MYO9B: variants seen among roughly 807,000 people sequenced by gnomAD.
The protein encoded by MYO9B is unconventional myosin-IXb.
MYO9B carries 71 observed loss-of-function variants against 229.5 expected under a neutral mutation model. The observed-to-expected ratio is 0.31, with a 90% CI of 0.26 to 0.38. The LOEUF is 0.38. Ranked by LOEUF, MYO9B falls within the 10% of genes least tolerant of loss-of-function variation. The pLI is 1.00. For missense variants in MYO9B, 2,255 were observed against 2,920.5 expected (o/e 0.77, Z 5.25); for synonymous variants, 1,185 against 1,235.8 (o/e 0.96, Z 0.86).
chr19:17,141,971 G>T (rs1487459685), intron 2 of MYO9B, among the ~76,000 whole-genome samples: 2 of 152,128 alleles, frequency 1.3e-5, no homozygotes, highest in South Asian at 4.1e-4. Flanking sequence ...GAGGCCGGGA[G>T]TTCAAGACCA....
intron 35 of MYO9B, among the ~76,000 whole-genome samples, 181 bp from the exon 36 acceptor site, chr19:17,209,405 A>G (rs1297580695): frequency 6.6e-6 from 1 of 152,202 alleles, no homozygotes; most frequent in South Asian, 2.1e-4. Flanking sequence ...GACAGGCTCA[A>G]AGAGGTAGAG....
At chr19:17,145,753 C>T (rs542876983) in intron 3 of MYO9B, among the ~76,000 whole-genome samples, 2 of 152,124 alleles carry the variant, frequency 1.3e-5, no homozygotes, top group African/African-American at 4.8e-5. Flanking sequence ...AGCCCATTTC[C>T]TGTCTTGATA....
Position 17,081,810 on chromosome 19 carries a change from C to CAA in MYO9B, c.-59+5955_-59+5956dup, listed in dbSNP as rs5827357. Among the ~76,000 whole-genome samples the CAA allele has an allele frequency of 6.0e-3, 419 of 69,778 alleles. 4 individuals are homozygous for CAA. Among genetic ancestry groups the CAA allele is most frequent in the Middle Eastern group, 8.2e-3 (1 of 122 alleles). The allele number at this position is 69,778 out of a possible 152,430, so 45.8% of individuals were successfully genotyped here. A position where few individuals can be genotyped will look rare whatever the true frequency, so the allele number is the denominator to read the frequency against. On this transcript the variant is annotated intron_variant, in intron 1 of 39. Coordinates refer to ENST00000682292, the MANE Select transcript of MYO9B (RefSeq NM_004145.4). ...TGGGCAAGAGAGTAAGATCCCATCT[C>CAA]AAAAAAAAAAAAAAAAAAAAGAGGC...
At chr19:17,162,724 G>A (rs776784546) in intron 9 of MYO9B, among the ~76,000 whole-genome samples, 8 of 152,222 alleles carry the variant, frequency 5.3e-5, no homozygotes, top group Non-Finnish European at 1.0e-4. Flanking sequence ...TCAGGAGGCT[G>A]AGGCAGAAGG....
At chr19:17,125,297 T>A (rs1216067627) in intron 2 of MYO9B, among the ~76,000 whole-genome samples, 345 of 99,552 alleles carry the variant, frequency 3.5e-3, no homozygotes, top group Non-Finnish European at 3.9e-3. Context: ...TAAAACCCCA[T>A]CCCCCCCCCC....
chr19:17,209,792 T>C (rs2073205254), intron 36 of MYO9B, 83 bp downstream of exon 36: 30 of 1,332,742 alleles, frequency 2.3e-5, no homozygotes, highest in Admixed American at 4.3e-5. Flanking sequence ...GTGGCTTTGT[T>C]GCTGGGAAGG....
intron 37 of MYO9B, 39 bp downstream of exon 37, chr19:17,210,419 C>T (rs777859239): frequency 5.0e-5 from 77 of 1,546,914 alleles, no homozygotes; most frequent in South Asian, 2.2e-4. Flanking sequence ...GCATGTCTCC[C>T]GGTGCAGTGC....
chr19:17,196,237 GA>G (rs1287815866), intron 22 of MYO9B, among the ~76,000 whole-genome samples: 3 of 151,866 alleles, frequency 2.0e-5, no homozygotes, highest in Admixed American at 1.3e-4. Context: ...TGGATGGATG[GA>G]AAATGATAGA....
intron 2 of MYO9B, among the ~76,000 whole-genome samples, chr19:17,104,735 A>AAAAAAC (rs150273079): frequency 3.3e-5 from 5 of 150,846 alleles, no homozygotes; most frequent in African/African-American, 4.9e-5. Context: ...TCCGCTTAAA[A>AAAAAAC]AAAAAACAAA....
Position 17,154,128 on chromosome 19 carries a change from G to A in MYO9B, c.1098+62G>A, listed in dbSNP as rs1168606042. 2.2e-5 allele frequency: 34 copies of A among 1,516,984 alleles called. No individual in the cohort carries two copies. In the East Asian group the frequency reaches 6.1e-4, roughly 27 times the overall value. The allele number at this position is 1,516,984 out of a possible 1,614,324, so 94.0% of individuals were successfully genotyped here. ...CTGTTCCCGGCCTCAAGCTGTTTAT[G>A]TATAGCCGGGAAGTCAGAGGCAGCC... is the stretch of plus-strand genomic sequence containing the variant. On this transcript the variant is annotated intron_variant, in intron 5 of 39. Transcript: ENST00000682292.
chr19:17,165,027 G>A (rs1160612117), intron 10 of MYO9B, among the ~76,000 whole-genome samples: 2 of 151,974 alleles, frequency 1.3e-5, no homozygotes, highest in Admixed American at 6.6e-5. Context: ...ACCACACCCA[G>A]CTAGTTTTTT....
At chr19:17,181,093 C>A in intron 15 of MYO9B, 53 bp downstream of exon 15, 2 of 1,302,062 alleles carry the variant, frequency 1.5e-6, no homozygotes, top group Non-Finnish European at 2.2e-6. Flanking sequence ...CCTCCCACTA[C>A]TCCTGCGACC....
chr19:17,116,693 A>AG (rs2057907348), intron 2 of MYO9B, among the ~76,000 whole-genome samples: 1 of 152,034 alleles, frequency 6.6e-6, no homozygotes, highest in Non-Finnish European at 1.5e-5. Context: ...GAATGGAGGG[A>AG]GGGGTGCAGA....
At chr19:17,168,300 G>C (rs568787977) in intron 11 of MYO9B, among the ~76,000 whole-genome samples, 17 of 152,272 alleles carry the variant, frequency 1.1e-4, no homozygotes, top group Middle Eastern at 6.8e-3. Flanking sequence ...GAGTAGCTGG[G>C]ACTACAGGGT....
rs1056205793 is a variant in MYO9B at position 17,088,285 on chromosome 19, G to A, written c.-59+12411G>A. 7.9e-5 allele frequency among the ~76,000 whole-genome samples: 12 copies of A among 152,166 alleles called. No homozygotes were observed. In the East Asian group the frequency reaches 1.3e-3, roughly 17 times the overall value. ...CACATGTCTCTTTTCCTTTTATAAG[G>A]ACGCCAGTCTTTGGATTTGGGGCCC... On this transcript the variant is annotated intron_variant, in intron 1 of 39. Transcript: ENST00000682292.
At chr19:17,091,250 T>C (rs564297214) in intron 1 of MYO9B, among the ~76,000 whole-genome samples, 29 of 152,316 alleles carry the variant, frequency 1.9e-4, no homozygotes, top group Admixed American at 1.0e-3. Context: ...TTTTGATACA[T>C]GGTCTTGCTC....
In MYO9B at chr19:17,212,232, G is replaced by A; in HGVS notation, c.6396G>A (p.Gln2132=). 6.3e-7 allele frequency: 1 copy of A among 1,580,070 alleles called. No individual in the cohort carries two copies. ...TGGAGCCCCTAGAAGAGGATGGCCAGCCACCTGGGGCCAAGCGGAGGTACT... is the reference window on the plus strand; with the variant it reads ...TGGAGCCCCTAGAAGAGGATGGCCAACCACCTGGGGCCAAGCGGAGGTACT... ...GALEPLEEDG[Q]PPGAKRRYSD... The change falls in exon 40 of 40, where the codon CAG becomes CAA. Residue 2132 remains glutamine, a synonymous_variant. Transcript: ENST00000682292. This position sits in a 1 kb window ranked among gnomAD's most constrained non-coding sequence, Gnocchi z 5.4.
At position 17,179,551 on chromosome 19, in the gene MYO9B, G is replaced by C. The variant is rs568505339; in HGVS notation, c.2220-1376G>C. Among the ~76,000 whole-genome samples, 3 of 150,140 alleles carry C rather than the reference G, an allele frequency of 2.0e-5. No homozygotes were observed. The South Asian group carries it at 6.4e-4, about 32-fold the overall frequency. ...AAGCGATTGTCGTGCCTCAGCCTCC[G>C]GAGTGACTGGGACTACAGGCATGCG... On this transcript the variant is annotated intron_variant, in intron 14 of 39. Transcript: ENST00000682292.
At chr19:17,108,231 G>A (rs762170090) in intron 2 of MYO9B, among the ~76,000 whole-genome samples, 4 of 152,340 alleles carry the variant, frequency 2.6e-5, no homozygotes, top group Middle Eastern at 3.4e-3. Context: ...TTTCTCCAGC[G>A]GTTCTAAGCC....
Sources: gnomAD v4.1 joint callset for allele counts (sites outside exome capture counted in the v4.1 genomes callset) on GRCh38, gnomAD v4.1.1 for gene constraint, Gnocchi (gnomAD v3.1) non-coding constraint, MANE v1.5 for transcripts, NCBI Gene and HGNC (gene_info 2026-07-23, HGNC 2026-07-21) for gene names.